The following NLRP5 variants were observed in gnomAD, a reference collection of about 807,000 sequenced individuals.
The protein encoded by NLRP5 is NACHT, LRR and PYD domains-containing protein 5.
Under a neutral mutation model 113.1 loss-of-function variants are expected in NLRP5, and 93 were observed. The ratio of observed to expected loss-of-function variants is 0.82; its 90% CI spans 0.70 to 0.98. The LOEUF (loss-of-function observed/expected upper bound fraction) is 0.98, where lower values mean the gene tolerates loss of function less well. Among genes scored for constraint, NLRP5 ranks in the 50% least tolerant of loss-of-function variants. The probability of loss-of-function intolerance (pLI) is 0.00; values close to 1 mark genes in which losing one functional copy is unlikely to be tolerated. For missense variants in NLRP5, 1,808 were observed against 1,514.3 expected, an observed-to-expected ratio of 1.19 and a Z score of -3.22; for synonymous variants, 751 against 600.7, an observed-to-expected ratio of 1.25 and a Z score of -3.66.
intron 2 of NLRP5, among the ~76,000 whole-genome samples, chr19:56,005,106 AAATATAT>A (rs1419434895): frequency 2.5e-5 from 3 of 120,968 alleles, no homozygotes; most frequent in Non-Finnish European, 5.2e-5. Context: ...AAAAAAAAAA[AAATATAT>A]ATATATATAT....
the NLRP5 span, among the ~76,000 whole-genome samples, chr19:55,990,643 G>A: frequency 1.3e-5 from 2 of 152,030 alleles, no homozygotes; most frequent in East Asian, 1.9e-4. Context: ...TGGCTAACAC[G>A]GTGAAACCCC....
intron 3 of NLRP5, among the ~76,000 whole-genome samples, chr19:56,014,907 T>C (rs906081392): frequency 6.6e-6 from 1 of 152,146 alleles, no homozygotes; most frequent in Non-Finnish European, 1.5e-5. Context: ...CATGTGACTT[T>C]TAGTATCAAT....
intron 2 of NLRP5, among the ~76,000 whole-genome samples, chr19:56,005,370 C>T (rs1418368910): frequency 6.9e-6 from 1 of 144,910 alleles, no homozygotes; most frequent in Non-Finnish European, 1.5e-5. Context: ...TATATACACA[C>T]ATATATATTT....
intron 11 of NLRP5, among the ~76,000 whole-genome samples, chr19:56,048,980 T>TTA (rs1983828351): frequency 1.4e-4 from 1 of 7,198 alleles, no homozygotes; most frequent in African/African-American, 2.5e-4. Context: ...TTTTTTTTAA[T>TTA]TTTTTTTTTT....
upstream of NLRP5, among the ~76,000 whole-genome samples, chr19:55,999,112 CCA>C (rs1981502947): frequency 6.6e-6 from 1 of 151,972 alleles, no homozygotes; most frequent in Admixed American, 6.6e-5. Context: ...ATTTTATCCC[CCA>C]GTCTCTGGCA....
At chr19:56,028,864 A>G (rs1241149461) in intron 7 of NLRP5, among the ~76,000 whole-genome samples, 14 of 152,158 alleles carry the variant, frequency 9.2e-5, no homozygotes, top group African/African-American at 3.1e-4. Context: ...TCCCAGGCTC[A>G]AGAGATTCTC....
chr19:56,030,711 C>CTTTTTTTTTTTTTTTT lies in NLRP5; in HGVS notation c.2277-1898_2277-1897insTTTTTTTTTTTTTTTT, dbSNP rs1251579019. 2.2e-3 allele frequency among the ~76,000 whole-genome samples: 107 copies of CTTTTTTTTTTTTTTTT among 47,730 alleles called. 5 individuals carry two copies. The highest frequency in any genetic ancestry group is 9.6e-3 in the East Asian group (14 of 1,454). The allele number at this position is 47,730 out of a possible 152,430, so 31.3% of individuals were successfully genotyped here. A position where few individuals can be genotyped will look rare whatever the true frequency, so the allele number is the denominator to read the frequency against. On this transcript the variant is annotated intron_variant, in intron 7 of 14. Transcript: ENST00000390649. ...TATACTTACATTCATTCGCTTTCTT[C>CTTTTTTTTTTTTTTTT]TTCTTTTTTTTTTTTTTTTTTGAGA...
the NLRP5 span, among the ~76,000 whole-genome samples, chr19:55,992,186 A>G: frequency 1.3e-5 from 2 of 152,200 alleles, no homozygotes; most frequent in Admixed American, 6.5e-5. Flanking sequence ...ATGTTCCCAC[A>G]AAAGACATGA....
chr19:56,026,782 A>T, intron 6 of NLRP5, 131 bp from the exon 7 acceptor site: 1 of 889,950 alleles, frequency 1.1e-6, no homozygotes, highest in Non-Finnish European at 1.7e-6. Flanking sequence ...TTTGCCATTG[A>T]CCAGGCTGGT....
chr19:55,998,724 ATATATGTG>A (rs1161592439), upstream of NLRP5, among the ~76,000 whole-genome samples: 4 of 139,650 alleles, frequency 2.9e-5, no homozygotes, highest in African/African-American at 1.1e-4. Flanking sequence ...GTATATATAT[ATATATGTG>A]TATATATATA....
chr19:56,050,264 A>G (rs1983880287), intron 11 of NLRP5, among the ~76,000 whole-genome samples, 154 bp from the exon 12 acceptor site: 1 of 141,966 alleles, frequency 7.0e-6, no homozygotes, highest in African/African-American at 2.6e-5. Context: ...TGGGTGACAG[A>G]GCAAGACTCC....
intron 6 of NLRP5, among the ~76,000 whole-genome samples, chr19:56,021,428 C>T (rs55768539): frequency 0.038 from 5,747 of 152,108 alleles, 114 homozygotes; most frequent in East Asian, 0.061. Context: ...TCACTAATTC[C>T]AAGACATTTT....
At chr19:55,999,861 C>G (rs1981564090) in intron 1 of NLRP5, 1 of 1,064,292 alleles carries the variant, frequency 9.4e-7, no homozygotes, top group Non-Finnish European at 1.5e-6. Context: ...GGATCGAATC[C>G]CCTGCCCTCG....
At chr19:56,049,795 A>T (rs758924090) in intron 11 of NLRP5, among the ~76,000 whole-genome samples, 9 of 151,852 alleles carry the variant, frequency 5.9e-5, no homozygotes, top group Non-Finnish European at 8.8e-5. Flanking sequence ...CATTTCTCTA[A>T]TCCCTCTCTG....
chr19:55,993,279 G>A, the NLRP5 span, among the ~76,000 whole-genome samples: 1 of 150,972 alleles, frequency 6.6e-6, no homozygotes, highest in East Asian at 2.0e-4. Flanking sequence ...TGGACAATAA[G>A]TTATAGTTCA....
chr19:56,013,947 T>C (rs1982309861), intron 3 of NLRP5, among the ~76,000 whole-genome samples: 1 of 152,176 alleles, frequency 6.6e-6, no homozygotes, highest in African/African-American at 2.4e-5. Flanking sequence ...TACTTCTGTG[T>C]CTTTAGAGAA....
chr19:56,038,307 G>C, intron 10 of NLRP5, 112 bp downstream of exon 10: 1 of 1,223,592 alleles, frequency 8.2e-7, no homozygotes, highest in Non-Finnish European at 1.2e-6. Context: ...CAAACCAGGG[G>C]TGAGGAAGGA....
Position 56,032,799 on chromosome 19 carries a change from C to G in NLRP5, c.2447+18C>G, listed in dbSNP as rs367733884. ...ACCCTGATGTAAGGCTGCCCGCCCC[C>G]TACGAGAGAATCCCTTCCCATGACG... On this transcript the variant is annotated intron_variant, in intron 8 of 14. Transcript: ENST00000390649. 8.2e-6 allele frequency: 13 copies of G among 1,589,874 alleles called. No individual in the cohort carries two copies. In the African/African-American group the frequency reaches 1.7e-4, roughly 21 times the overall value.
At chr19:56,039,806 C>T (rs955086777) in intron 10 of NLRP5, among the ~76,000 whole-genome samples, 1 of 152,060 alleles carries the variant, frequency 6.6e-6, no homozygotes, top group Admixed American at 6.6e-5. Flanking sequence ...CCCAGCTACT[C>T]GGGAGGCTGA....
Sources: allele counts gnomAD v4.1 joint callset (sites outside exome capture counted in the v4.1 genomes callset), GRCh38; gene constraint gnomAD v4.1.1; transcripts MANE v1.5; gene names NCBI Gene and HGNC (gene_info 2026-07-23, HGNC 2026-07-21).